FREM1: variants seen among roughly 807,000 people sequenced by gnomAD.
The protein encoded by FREM1 is FRAS1-related extracellular matrix protein 1.
In FREM1, 220 loss-of-function variants were observed where a neutral mutation model predicts 210.1. That is an observed-to-expected ratio of 1.05 (90% CI 0.94 to 1.17). FREM1 has a LOEUF of 1.17. Among genes scored for constraint, FREM1 ranks in the 50% most tolerant of loss-of-function variants. The pLI, the probability that FREM1 is intolerant of heterozygous loss-of-function variation, is 0.00. For missense variants in FREM1, 3,454 were observed against 2,675.5 expected (o/e 1.29, Z -6.42); for synonymous variants, 1,189 against 980.2 (o/e 1.21, Z -3.98).
chr9:14,879,421 A>G (rs1392558158), intron 1 of FREM1, among the ~76,000 whole-genome samples: 3 of 152,216 alleles, frequency 2.0e-5, no homozygotes, highest in Non-Finnish European at 4.4e-5. Context: ...CACCGAAAGA[A>G]GAAGTGAGGT....
chr9:14,833,080 T>G (rs913492402), intron 10 of FREM1, among the ~76,000 whole-genome samples: 1 of 152,126 alleles, frequency 6.6e-6, no homozygotes, highest in Non-Finnish European at 1.5e-5. Context: ...CATTTTACCG[T>G]GGTGGCTGTC....
rs201779885 is a variant in FREM1 at position 14,784,486 on chromosome 9, G to A, written c.4326C>T (p.Ile1442=). 16 of 1,613,750 alleles carry A rather than the reference G, an allele frequency of 9.9e-6. No individual in the cohort carries two copies. Among genetic ancestry groups the A allele is most frequent in the South Asian group, 6.6e-5 (6 of 91,074 alleles). Residue 1442 remains isoleucine, a synonymous_variant, in exon 24 of 37, where the codon ATC becomes ATT. Coordinates refer to ENST00000380880, the MANE Select transcript of FREM1 (RefSeq NM_001379081.2). ...GAACTCCAGGATAGTGAACATATTC[G>A]ATCTGGCCATATCGCGGAGGGGAGG... ...VITSPPRYGQ[I]EYVHYPGVPI...
chr9:14,888,657 A>G (rs1050286905), intron 1 of FREM1, among the ~76,000 whole-genome samples: 1 of 152,150 alleles, frequency 6.6e-6, no homozygotes, highest in Admixed American at 6.5e-5. Context: ...AATCAATTAA[A>G]TGTGTGTTGA....
chr9:14,797,229 C>T (rs755732422), intron 21 of FREM1, among the ~76,000 whole-genome samples: 16 of 152,180 alleles, frequency 1.1e-4, no homozygotes, highest in Non-Finnish European at 2.4e-4. Context: ...TTGTTCATTC[C>T]ATACTGTGTG....
At chr9:14,830,227 G>A (rs1208495406) in intron 10 of FREM1, among the ~76,000 whole-genome samples, 1 of 152,170 alleles carries the variant, frequency 6.6e-6, no homozygotes, top group East Asian at 1.9e-4. Flanking sequence ...ATACCAGCTG[G>A]TGGAGTATTA....
chr9:14,902,183 C>G (rs1328584318), intron 1 of FREM1, among the ~76,000 whole-genome samples: 1 of 152,292 alleles, frequency 6.6e-6, no homozygotes. Context: ...TCCATCACTC[C>G]TGGACAAGTC....
intron 1 of FREM1, among the ~76,000 whole-genome samples, chr9:14,885,251 T>C (rs1271785998): frequency 6.6e-6 from 1 of 152,130 alleles, no homozygotes; most frequent in East Asian, 1.9e-4. Context: ...TTCTCATTAG[T>C]GATCTAGGTA....
chr9:14,804,115 G>T (rs1474304476), intron 19 of FREM1, among the ~76,000 whole-genome samples: 1 of 152,148 alleles, frequency 6.6e-6, no homozygotes, highest in African/African-American at 2.4e-5. Context: ...AAATCTTCTT[G>T]CAGCATAACT....
At chr9:14,804,511 G>A (rs575096400) in intron 19 of FREM1, among the ~76,000 whole-genome samples, 8 of 152,288 alleles carry the variant, frequency 5.3e-5, no homozygotes, top group African/African-American at 1.4e-4. Context: ...CGTGAACCCG[G>A]GGGGCGGAGC....
In FREM1 at chr9:14,824,086, A is replaced by C; in HGVS notation, c.2108T>G (p.Val703Gly). The C allele has an allele frequency of 6.3e-7, 1 of 1,587,368 alleles. No individual in the cohort carries two copies. Among genetic ancestry groups the C allele is most frequent in the Non-Finnish European group, 8.6e-7 (1 of 1,165,272 alleles). Reference protein sequence around the residue: ...RHLDAGKLFMVDSIPKVVKNP... With the variant: ...RHLDAGKLFMGDSIPKVVKNP... ...CTTAACTACTTTTGGTATGCTGTCC[A>C]CCATAAATAATTTCCCAGCATCCAA... Residue 703 changes from valine to glycine, a missense_variant, in exon 12 of 37, where the codon GTG (valine) becomes GGG (glycine). Coordinates refer to ENST00000380880, the MANE Select transcript of FREM1 (RefSeq NM_001379081.2).
chr9:14,836,391 T>C lies in FREM1; in HGVS notation c.1881+5056A>G, dbSNP rs1371460865. 6.6e-6 allele frequency among the ~76,000 whole-genome samples: 1 copy of C among 152,228 alleles called. No individual in the cohort carries two copies. The highest frequency in any genetic ancestry group is 2.4e-5 in the African/African-American group (1 of 41,466). On this transcript the variant is annotated intron_variant, in intron 10 of 36. Coordinates refer to ENST00000380880, the MANE Select transcript of FREM1 (RefSeq NM_001379081.2). This position sits in a 1 kb window ranked among gnomAD's most constrained non-coding sequence, Gnocchi z 4.9. ...TCACTAAGTCTGCTAGGATTTTTTA[T>C]TGGATTTAGTGATGCACTTTTAAAT...
chr9:14,881,512 G>C (rs1205135220), intron 1 of FREM1, among the ~76,000 whole-genome samples: 1 of 152,206 alleles, frequency 6.6e-6, no homozygotes, highest in Non-Finnish European at 1.5e-5. Context: ...GGACCAAAAT[G>C]GAACAACTTG....
chr9:14,861,211 A>G lies in FREM1; in HGVS notation c.330-1727T>C, dbSNP rs1319001078. On this transcript the variant is annotated intron_variant, in intron 3 of 36. Coordinates refer to ENST00000380880, the MANE Select transcript of FREM1 (RefSeq NM_001379081.2). The stretch of plus-strand genomic sequence containing the variant: ...CATATATACATATATACACACATAT[A>G]CATATATACACATATATACACATAT... 2.3e-3 allele frequency among the ~76,000 whole-genome samples: 211 copies of G among 93,144 alleles called. 2 individuals carry two copies. Among genetic ancestry groups the G allele is most frequent in the African/African-American group, 9.7e-3 (204 of 21,006 alleles). 61.1% of individuals were successfully genotyped at this position (93,144 alleles called of 152,430 possible). A position where few individuals can be genotyped will look rare whatever the true frequency, so the allele number is the denominator to read the frequency against.
At chr9:14,798,419 C>T (rs1356482761) in intron 20 of FREM1, among the ~76,000 whole-genome samples, 1 of 151,878 alleles carries the variant, frequency 6.6e-6, no homozygotes, top group South Asian at 2.1e-4. Context: ...GAGGCCAGTT[C>T]GGAAAACATA....
chr9:14,865,704 T>C (rs1470184574), intron 2 of FREM1, among the ~76,000 whole-genome samples: 2 of 147,640 alleles, frequency 1.4e-5, no homozygotes, highest in East Asian at 4.2e-4. Flanking sequence ...TGTGTGCACA[T>C]GCACTTAGCT....
chr9:14,842,720 G>A (rs1825903982), intron 8 of FREM1, 60 bp from the exon 9 acceptor site: 2 of 1,254,062 alleles, frequency 1.6e-6, no homozygotes, highest in Non-Finnish European at 2.3e-6. Flanking sequence ...CAGCAGCTGT[G>A]GGGAAAGCAT....
At chr9:14,907,969 A>T (rs1208546708) in intron 1 of FREM1, among the ~76,000 whole-genome samples, 1 of 152,142 alleles carries the variant, frequency 6.6e-6, no homozygotes, top group Non-Finnish European at 1.5e-5. Context: ...GAGGACAAGG[A>T]CCCTGCCTGT....
chr9:14,752,342 C>G (rs1438605130), intron 29 of FREM1, among the ~76,000 whole-genome samples: 1 of 152,046 alleles, frequency 6.6e-6, no homozygotes, highest in Non-Finnish European at 1.5e-5. Flanking sequence ...AGGAAGATAG[C>G]AAAGCAGAGG....
chr9:14,772,490 T>A (rs964511072), intron 25 of FREM1, among the ~76,000 whole-genome samples: 7 of 152,208 alleles, frequency 4.6e-5, no homozygotes, highest in Non-Finnish European at 8.8e-5. Context: ...TATAATATCA[T>A]CCCATTTCTA....
Sources: gnomAD v4.1 joint callset for allele counts (sites outside exome capture counted in the v4.1 genomes callset) on GRCh38, gnomAD v4.1.1 for gene constraint, Gnocchi (gnomAD v3.1) non-coding constraint, MANE v1.5 for transcripts, NCBI Gene and HGNC (gene_info 2026-07-23, HGNC 2026-07-21) for gene names.